Variants in SUPV3L1 observed in about 807,000 individuals in gnomAD.
The protein encoded by SUPV3L1 is ATP-dependent RNA helicase SUPV3L1, mitochondrial.
In SUPV3L1, 35 loss-of-function variants were observed where a neutral mutation model predicts 70.0. That is an observed-to-expected ratio of 0.50 (90% CI 0.38 to 0.66). The LOEUF (loss-of-function observed/expected upper bound fraction) is 0.66, where lower values mean the gene tolerates loss of function less well. Ranked by LOEUF, SUPV3L1 falls within the 30% of genes least tolerant of loss-of-function variation. The pLI is 0.00. For synonymous variants in SUPV3L1, 364 were observed against 341.9 expected (o/e 1.06, Z -0.71); for missense variants, 777 against 961.5 (o/e 0.81, Z 2.54).
At chr10:69,192,657 A>T (rs1418788291) in intron 6 of SUPV3L1, 2 of 152,184 alleles carry the variant, frequency 1.3e-5, no homozygotes, top group Non-Finnish European at 2.9e-5. Context: ...TAGGTTGTTT[A>T]AAGTTTTTTC....
At chr10:69,182,353 G>A (rs1027123196) in intron 1 of SUPV3L1, among the ~76,000 whole-genome samples, 2 of 152,010 alleles carry the variant, frequency 1.3e-5, no homozygotes, top group South Asian at 2.1e-4. Context: ...ACATTGTCGC[G>A]AAATAGATGA....
intron 1 of SUPV3L1, among the ~76,000 whole-genome samples, chr10:69,183,659 G>A (rs1407704040): frequency 1.3e-5 from 2 of 152,118 alleles, no homozygotes; most frequent in East Asian, 3.9e-4. Context: ...TCCAGCCTGG[G>A]TGACAAGAGT....
intron 5 of SUPV3L1, among the ~76,000 whole-genome samples, chr10:69,190,358 A>C (rs1415593116): frequency 6.6e-6 from 1 of 152,086 alleles, no homozygotes; most frequent in Non-Finnish European, 1.5e-5. Flanking sequence ...AATGGGCTAC[A>C]TTTTGGTTCA....
intron 11 of SUPV3L1, 64 bp downstream of exon 11, chr10:69,200,563 C>T: frequency 1.4e-5 from 19 of 1,352,788 alleles, no homozygotes; most frequent in Non-Finnish European, 1.9e-5. Context: ...CCTCACCCAC[C>T]ATCCAGACTC....
intron 13 of SUPV3L1, among the ~76,000 whole-genome samples, chr10:69,204,968 G>T (rs207471132): frequency 6.6e-6 from 1 of 151,800 alleles, no homozygotes; most frequent in East Asian, 1.9e-4. Flanking sequence ...GCAGGGTTTC[G>T]CCATGTTCCC....
chr10:69,187,099 C>T (rs188991124), intron 3 of SUPV3L1, among the ~76,000 whole-genome samples: 29 of 152,124 alleles, frequency 1.9e-4, no homozygotes, highest in East Asian at 1.9e-4. Context: ...CTGTGGTTTT[C>T]GAAGTTTAAA....
At chr10:69,196,326 T>C (rs573579901) in intron 7 of SUPV3L1, among the ~76,000 whole-genome samples, 4 of 152,192 alleles carry the variant, frequency 2.6e-5, no homozygotes, top group South Asian at 2.1e-4. Context: ...ACCCTGTCTC[T>C]ACTAAAAATA....
At position 69,187,628 on chromosome 10, in the gene SUPV3L1, G is replaced by A. The variant is rs1564701093; in HGVS notation, c.458-14G>A. On this transcript the variant is annotated splice_polypyrimidine_tract_variant and intron_variant, in intron 3 of 14. Transcript: ENST00000359655. ...TGTAGATTGCACATGTTAATACAGT[G>A]TTTTATTTTCCAGCTCATGCGGATG... The A allele has an allele frequency of 1.3e-6, 2 of 1,556,378 alleles. No homozygotes were observed. The highest frequency in any genetic ancestry group is 1.4e-5 in the African/African-American group (1 of 73,198).
Position 69,191,701 on chromosome 10 carries a change from A to G in SUPV3L1, c.788A>G (p.Gln263Arg), listed in dbSNP as rs1284797756. The G allele has an allele frequency of 5.0e-6, 8 of 1,614,174 alleles. No homozygotes were observed. Among genetic ancestry groups the G allele is most frequent in the Non-Finnish European group, 5.9e-6 (7 of 1,180,020 alleles). ...LVTGEERVTV[Q>R]PNGKQASHVS... is the part of the protein sequence containing the mutation. ...ACAGGTGAAGAGCGTGTGACAGTTC[A>G]GCCAAATGGGAAACAGGCTTCACAT... is the stretch of plus-strand genomic sequence containing the variant. The change falls in exon 6 of 15, where the codon CAG (glutamine) becomes CGG (arginine). Residue 263 changes from glutamine to arginine, a missense_variant. Physicochemically the swap from Gln to Arg is conservative, Grantham distance 43. Transcript: ENST00000359655.
intron 6 of SUPV3L1, among the ~76,000 whole-genome samples, chr10:69,194,171 A>T (rs1439997177): frequency 6.6e-6 from 1 of 152,110 alleles, no homozygotes; most frequent in Non-Finnish European, 1.5e-5. Context: ...GGACAAGTGG[A>T]ACTGCTCAGT....
At chr10:69,186,349 A>AG in intron 2 of SUPV3L1, 94 bp from the exon 3 acceptor site, 1 of 955,232 alleles carries the variant, frequency 1.0e-6, no homozygotes, top group Non-Finnish European at 1.6e-6. Context: ...AAAAAAGAAA[A>AG]AAAAAGACTC....
At chr10:69,198,613 A>C (rs1842604758) in intron 9 of SUPV3L1, 61 bp downstream of exon 9, 3 of 1,500,586 alleles carry the variant, frequency 2.0e-6, no homozygotes, top group Non-Finnish European at 2.7e-6. Context: ...ATTTATGTTG[A>C]GATATATATA....
At chr10:69,208,060 C>T (rs1842880898) in intron 14 of SUPV3L1, 119 bp downstream of exon 14, 2 of 1,268,298 alleles carry the variant, frequency 1.6e-6, no homozygotes, top group Admixed American at 4.5e-5. Flanking sequence ...TATATTATGT[C>T]TATTGTCCAT....
At chr10:69,197,188 T>A in intron 8 of SUPV3L1, 105 bp downstream of exon 8, 1 of 868,132 alleles carries the variant, frequency 1.2e-6, no homozygotes, top group Non-Finnish European at 1.9e-6. Flanking sequence ...AGAACTTAAC[T>A]AAAAAGAAAG....
intron 13 of SUPV3L1, among the ~76,000 whole-genome samples, chr10:69,203,415 G>A (rs892654357): frequency 6.6e-6 from 1 of 152,116 alleles, no homozygotes. Context: ...TGTAATCCCA[G>A]CACTTTGGGA....
At chr10:69,194,948 C>T (rs1842500839) in intron 6 of SUPV3L1, among the ~76,000 whole-genome samples, 1 of 152,104 alleles carries the variant, frequency 6.6e-6, no homozygotes, top group Non-Finnish European at 1.5e-5. Context: ...TTCTCTGGGC[C>T]TCTGACTTTT....
chr10:69,180,239 T>C lies in SUPV3L1; in HGVS notation c.-53T>C. On this transcript the variant is annotated 5_prime_UTR_variant, in exon 1 of 15. Transcript: ENST00000359655. ...AGCAGGCGCTGGAGGTGCGCGTCACTGTCCGCCGCCGTGTCCGCGGCTGCG... is the reference window on the plus strand; with the variant it reads ...AGCAGGCGCTGGAGGTGCGCGTCACCGTCCGCCGCCGTGTCCGCGGCTGCG... 6.4e-7 allele frequency: 1 copy of C among 1,572,776 alleles called. No individual in the cohort carries two copies. Among genetic ancestry groups the C allele is most frequent in the Non-Finnish European group, 8.6e-7 (1 of 1,159,194 alleles).
In SUPV3L1 at chr10:69,208,644, A is replaced by C; in HGVS notation, c.1970A>C (p.Asp657Ala). Reference sequence around the variant, plus strand: ...TTTCCAGATGCCAGCCTTATTCGAGATCTCCAGAAAGAACTAGATGGTATT... The same window carrying C: ...TTTCCAGATGCCAGCCTTATTCGAGCTCTCCAGAAAGAACTAGATGGTATT... ...DMFPDASLIR[D>A]LQKELDGIIQ... Residue 657 changes from aspartate (D) to alanine (A), a missense_variant, in exon 15 of 15, where the codon GAT (aspartate) becomes GCT (alanine). Asp to Ala is a moderately radical substitution (Grantham distance 126). Around this residue, in one of 2 missense-constraint regions of SUPV3L1, gnomAD observed 619 missense variants for 823.3 expected, o/e 0.75. Transcript: ENST00000359655. 6.2e-7 allele frequency: 1 copy of C among 1,613,644 alleles called. No individual in the cohort carries two copies. Among genetic ancestry groups the C allele is most frequent in the South Asian group, 1.1e-5 (1 of 91,080 alleles).
chr10:69,186,358 T>TAAA, intron 2 of SUPV3L1, 85 bp from the exon 3 acceptor site: 1 of 781,446 alleles, frequency 1.3e-6, no homozygotes, highest in Non-Finnish European at 2.1e-6. Flanking sequence ...AAAAAAAGAC[T>TAAA]CTTTGATGAG....
Sources: allele counts gnomAD v4.1 joint callset (sites outside exome capture counted in the v4.1 genomes callset), GRCh38; gene constraint gnomAD v4.1.1; regional missense constraint gnomAD v4.1.1; transcripts MANE v1.5; gene names NCBI Gene and HGNC (gene_info 2026-07-23, HGNC 2026-07-21).